Variants in SDK1 observed in about 807,000 individuals in gnomAD.
The protein encoded by SDK1 is sidekick cell adhesion molecule 1, also known as protein sidekick-1.
SDK1 carries 157 observed loss-of-function variants against 245.5 expected under a neutral mutation model. The observed-to-expected ratio is 0.64, with a 90% CI of 0.56 to 0.73. SDK1 has a LOEUF of 0.73. Among genes scored for constraint, SDK1 ranks in the 30% least tolerant of loss-of-function variants. SDK1 has a pLI of 0.00. For missense variants in SDK1, 3,583 were observed against 3,002.3 expected, an observed-to-expected ratio of 1.19 and a Z score of -4.52; for synonymous variants, 1,647 against 1,278.5, an observed-to-expected ratio of 1.29 and a Z score of -6.15.
intron 1 of SDK1, among the ~76,000 whole-genome samples, chr7:3,442,462 C>G (rs1780222484): frequency 6.6e-6 from 1 of 152,118 alleles, no homozygotes; most frequent in Non-Finnish European, 1.5e-5. Context: ...CATATTTATC[C>G]TTGAGAGTGA....
At chr7:4,165,190 C>T (rs1277408102) in intron 32 of SDK1, among the ~76,000 whole-genome samples, 1 of 152,034 alleles carries the variant, frequency 6.6e-6, no homozygotes, top group African/African-American at 2.4e-5. Context: ...GAAATTCTGT[C>T]TCTACTAAAA....
intron 4 of SDK1, among the ~76,000 whole-genome samples, chr7:3,737,918 C>T (rs1039217760): frequency 1.4e-4 from 21 of 152,236 alleles, no homozygotes; most frequent in African/African-American, 4.6e-4. Flanking sequence ...TCTTACCCTT[C>T]TAATGAAACT....
intron 43 of SDK1, among the ~76,000 whole-genome samples, chr7:4,242,440 C>T (rs1786587783): frequency 1.3e-5 from 2 of 152,132 alleles, no homozygotes; most frequent in South Asian, 4.1e-4. Flanking sequence ...TAATCCTTTT[C>T]CTAAATCCAG....
chr7:3,462,757 A>G (rs1780873103), intron 1 of SDK1, among the ~76,000 whole-genome samples: 1 of 152,106 alleles, frequency 6.6e-6, no homozygotes, highest in African/African-American at 2.4e-5. Flanking sequence ...TATTGCCGCC[A>G]TCCTAATGCA....
At chr7:3,472,975 G>C (rs1379709985) in intron 1 of SDK1, among the ~76,000 whole-genome samples, 1 of 152,142 alleles carries the variant, frequency 6.6e-6, no homozygotes, top group African/African-American at 2.4e-5. Context: ...TCTGCTATTT[G>C]ACCCTTTCCC....
intron 14 of SDK1, among the ~76,000 whole-genome samples, chr7:3,993,093 G>C (rs1784461015): frequency 6.6e-6 from 1 of 152,146 alleles, no homozygotes; most frequent in Non-Finnish European, 1.5e-5. Flanking sequence ...CGTTGCATTA[G>C]AGCCGTTATT....
chr7:3,359,595 C>G (rs1780898048), intron 1 of SDK1, among the ~76,000 whole-genome samples: 7 of 152,158 alleles, frequency 4.6e-5, no homozygotes, highest in Admixed American at 3.9e-4. Flanking sequence ...GATACCTCCT[C>G]TAAAGTGTCT....
intron 4 of SDK1, among the ~76,000 whole-genome samples, chr7:3,702,341 T>C (rs1784764553): frequency 1.3e-5 from 2 of 152,232 alleles, no homozygotes; most frequent in African/African-American, 4.8e-5. Flanking sequence ...GTACGTTTTC[T>C]TGTGGGAGCA....
At chr7:4,100,431 G>T (rs961178277) in intron 22 of SDK1, among the ~76,000 whole-genome samples, 13 of 152,194 alleles carry the variant, frequency 8.5e-5, no homozygotes, top group African/African-American at 7.2e-5. Context: ...AGCACAGGGG[G>T]AGCTAAGGCA....
intron 22 of SDK1, among the ~76,000 whole-genome samples, chr7:4,101,695 G>A (rs150879781): frequency 4.9e-4 from 74 of 152,250 alleles, no homozygotes; most frequent in Non-Finnish European, 8.7e-4. Flanking sequence ...GGAAGATCGC[G>A]GTTCTGGGGT....
At chr7:3,502,318 C>T (rs781097353) in intron 1 of SDK1, among the ~76,000 whole-genome samples, 2 of 152,032 alleles carry the variant, frequency 1.3e-5, no homozygotes, top group African/African-American at 2.4e-5. Context: ...GGCAGAATCT[C>T]GGCTCACTGC....
At chr7:3,348,533 C>G (rs1177485925) in intron 1 of SDK1, among the ~76,000 whole-genome samples, 1 of 152,070 alleles carries the variant, frequency 6.6e-6, no homozygotes, top group Non-Finnish European at 1.5e-5. Context: ...GAACAGTAGA[C>G]ACTTGAGACT....
intron 5 of SDK1, among the ~76,000 whole-genome samples, chr7:3,828,489 T>C (rs1224194093): frequency 6.6e-6 from 1 of 151,920 alleles, no homozygotes; most frequent in Non-Finnish European, 1.5e-5. Flanking sequence ...TCTAGTTTTT[T>C]AAAATATAAA....
intron 14 of SDK1, among the ~76,000 whole-genome samples, chr7:4,009,254 G>T (rs377004771): frequency 6.2e-4 from 95 of 152,298 alleles, no homozygotes; most frequent in Non-Finnish European, 1.2e-3. Context: ...GTTCTCTTCA[G>T]AATGAGAACG....
At chr7:3,575,230 G>C (rs569218364) in intron 1 of SDK1, among the ~76,000 whole-genome samples, 2 of 152,130 alleles carry the variant, frequency 1.3e-5, no homozygotes, top group Admixed American at 1.3e-4. Flanking sequence ...TTCTTTCTGT[G>C]TCCTCACATG....
chr7:4,016,595 C>T (rs1168114661), intron 16 of SDK1, among the ~76,000 whole-genome samples: 1 of 152,152 alleles, frequency 6.6e-6, no homozygotes, highest in Admixed American at 6.5e-5. Flanking sequence ...GAACATAGTA[C>T]CCAAGCACTC....
chr7:4,023,208 A>C (rs954962698), intron 17 of SDK1, among the ~76,000 whole-genome samples: 1 of 152,048 alleles, frequency 6.6e-6, no homozygotes, highest in African/African-American at 2.4e-5. Flanking sequence ...TAAACTTTCT[A>C]ACTTTCCTGA....
At chr7:3,676,389 A>G (rs1186747487) in intron 4 of SDK1, among the ~76,000 whole-genome samples, 5 of 143,946 alleles carry the variant, frequency 3.5e-5, no homozygotes, top group Non-Finnish European at 7.5e-5. Context: ...GCAGTGGCGC[A>G]GTCTCAGCTC....
intron 19 of SDK1, among the ~76,000 whole-genome samples, chr7:4,060,177 G>C (rs541883312): frequency 1.2e-4 from 18 of 152,212 alleles, no homozygotes; most frequent in South Asian, 6.2e-4. Flanking sequence ...CACCACGCCC[G>C]GCCAGAAATT....
Sources: allele counts gnomAD v4.1 joint callset (sites outside exome capture counted in the v4.1 genomes callset), GRCh38; gene constraint gnomAD v4.1.1; transcripts MANE v1.5; gene names NCBI Gene and HGNC (gene_info 2026-07-23, HGNC 2026-07-21).